CATSPERD: variants seen among roughly 807,000 people sequenced by gnomAD.
The protein encoded by CATSPERD is cation channel sperm-associated auxiliary subunit delta.
CATSPERD carries 86 observed loss-of-function variants against 98.1 expected under a neutral mutation model. The observed-to-expected ratio is 0.88, with a 90% CI of 0.74 to 1.05. The LOEUF (loss-of-function observed/expected upper bound fraction) is 1.05. CATSPERD is among the 50% of genes least tolerant of loss of function. CATSPERD has a pLI of 0.00. For synonymous variants in CATSPERD, 394 were observed against 390.2 expected, an observed-to-expected ratio of 1.01 and a Z score of -0.12; for missense variants, 995 against 1,005.7, an observed-to-expected ratio of 0.99 and a Z score of 0.14.
intron 21 of CATSPERD, among the ~76,000 whole-genome samples, chr19:5,777,380 T>TC (rs1293970000): frequency 6.6e-6 from 1 of 152,072 alleles, no homozygotes; most frequent in African/African-American, 2.4e-5. Context: ...ACCTGCACTG[T>TC]CCCCCTCCCT....
At chr19:5,732,447 T>C (rs1379854378) in intron 4 of CATSPERD, among the ~76,000 whole-genome samples, 2 of 136,354 alleles carry the variant, frequency 1.5e-5, no homozygotes, top group Non-Finnish European at 3.4e-5. Context: ...TTTTTGTTTT[T>C]TTTGAGACGG....
At position 5,776,200 on chromosome 19, in the gene CATSPERD, T is replaced by C. The variant is rs1023329247; in HGVS notation, c.1981T>C (p.Leu661=). 2 of 1,614,132 alleles carry C rather than the reference T, an allele frequency of 1.2e-6. No homozygotes were observed. The highest frequency in any genetic ancestry group is 1.7e-5 in the Admixed American group (1 of 60,018). ...CCACGACCCCAACAACAATGCCCCT[T>C]TGAGGTGGCCAGACGTCCAGTATCA... ...SCHDPNNNAP[L]RWPDVQYQIL... The change falls in exon 21 of 22, where the codon TTG becomes CTG. Residue 661 remains leucine (L), a synonymous_variant. Coordinates refer to ENST00000381624, the MANE Select transcript of CATSPERD (RefSeq NM_152784.4).
In CATSPERD at chr19:5,771,088, G is replaced by T. The variant is rs371618646; in HGVS notation, c.1763+16G>T. ...TGGTGGAGCTGTAAGACCCCAGGGG[G>T]GTGCTGCAGGGTGGGGACGGTGGCA... On this transcript the variant is annotated intron_variant, in intron 19 of 21. Transcript: ENST00000381624. 4 of 1,607,850 alleles carry T rather than the reference G, an allele frequency of 2.5e-6. No homozygotes were observed. Among genetic ancestry groups the T allele is most frequent in the Non-Finnish European group, 3.4e-6 (4 of 1,177,604 alleles).
intron 9 of CATSPERD, 52 bp from the exon 10 acceptor site, chr19:5,748,108 C>G (rs376814869): frequency 6.8e-7 from 1 of 1,475,212 alleles, no homozygotes; most frequent in Admixed American, 1.7e-5. Context: ...GTAGACATCC[C>G]CTTTCCCAGG....
At chr19:5,759,566 C>CAAAAAAAAAAAAAAAAAAACAAAAAA (rs35459854) in intron 15 of CATSPERD, among the ~76,000 whole-genome samples, 1 of 84,032 alleles carries the variant, frequency 1.2e-5, no homozygotes, top group African/African-American at 4.7e-5. Context: ...ACTCCAGCTC[C>CAAAAAAAAAAAAAAAAAAACAAAAAA]AAAAAAAAAA....
At chr19:5,737,856 A>C (rs1482834158) in intron 6 of CATSPERD, among the ~76,000 whole-genome samples, 1 of 151,838 alleles carries the variant, frequency 6.6e-6, no homozygotes, top group Non-Finnish European at 1.5e-5. Context: ...ATCTCAAAAA[A>C]AAAAAAAAGA....
chr19:5,745,447 C>T (rs929008218), intron 8 of CATSPERD, among the ~76,000 whole-genome samples: 19 of 152,050 alleles, frequency 1.2e-4, no homozygotes, highest in Middle Eastern at 3.4e-3. Flanking sequence ...GGTGAAACCC[C>T]GTCTCTGCTA....
intron 4 of CATSPERD, among the ~76,000 whole-genome samples, chr19:5,732,315 G>A (rs1033721700): frequency 6.6e-6 from 1 of 151,884 alleles, no homozygotes; most frequent in African/African-American, 2.4e-5. Context: ...AATGAATTGA[G>A]GTATCTCAGG....
At chr19:5,722,173 G>C (rs2055499299) in intron 1 of CATSPERD, among the ~76,000 whole-genome samples, 1 of 151,466 alleles carries the variant, frequency 6.6e-6, no homozygotes, top group South Asian at 2.1e-4. Flanking sequence ...CCAGGCTGGA[G>C]TACAATGTCA....
intron 5 of CATSPERD, 47 bp downstream of exon 5, chr19:5,734,017 T>C: frequency 1.8e-6 from 2 of 1,134,070 alleles, no homozygotes; most frequent in South Asian, 2.6e-5. Flanking sequence ...GTAGTCAACA[T>C]GAGAGAAGAG....
intron 15 of CATSPERD, among the ~76,000 whole-genome samples, chr19:5,762,054 A>ATTTTTTTTTT: frequency 6.7e-5 from 1 of 14,882 alleles, no homozygotes; most frequent in Non-Finnish European, 1.6e-4. Flanking sequence ...ATATATATAT[A>ATTTTTTTTTT]TATATTTTTT....
chr19:5,753,296 C>T (rs1196206219), intron 12 of CATSPERD, among the ~76,000 whole-genome samples: 1 of 152,024 alleles, frequency 6.6e-6, no homozygotes, highest in Non-Finnish European at 1.5e-5. Context: ...CGCGGTGGCT[C>T]ACGCCTGTAA....
intron 20 of CATSPERD, among the ~76,000 whole-genome samples, chr19:5,774,638 G>A (rs949870943): frequency 3.9e-5 from 6 of 152,228 alleles, no homozygotes; most frequent in Middle Eastern, 3.4e-3. Context: ...GCAGTGAGCC[G>A]AAACTGCACC....
intron 4 of CATSPERD, among the ~76,000 whole-genome samples, chr19:5,732,982 TG>T (rs892017163): frequency 2.0e-4 from 30 of 151,544 alleles, no homozygotes; most frequent in African/African-American, 7.1e-4. Context: ...CGGCCATAAA[TG>T]TTTTTTTTCT....
At position 5,762,041 on chromosome 19, in the gene CATSPERD, C is replaced by CATATATATATATATATATAT. The variant is rs71172765; in HGVS notation, c.1428-1156_1428-1155insATATATATATATATATATAT. 3.2e-3 allele frequency among the ~76,000 whole-genome samples: 75 copies of CATATATATATATATATATAT among 23,222 alleles called. 16 individuals are homozygous for CATATATATATATATATATAT. The highest frequency in any genetic ancestry group is 4.7e-3 in the Non-Finnish European group (49 of 10,416). 15.2% of individuals were successfully genotyped at this position (23,222 alleles called of 152,430 possible). A position where few individuals can be genotyped will look rare whatever the true frequency, so the allele number is the denominator to read the frequency against. On this transcript the variant is annotated intron_variant, in intron 15 of 21. Transcript: ENST00000381624. ...GTGAGAGCCACTGCGCCTGGCCTGCCATATATATATATATATATTTTTTTT... is the reference window on the plus strand; with the variant it reads ...GTGAGAGCCACTGCGCCTGGCCTGCCATATATATATATATATATATATATATATATATATATATTTTTTTT...
chr19:5,776,954 A>G (rs77395822), intron 21 of CATSPERD, among the ~76,000 whole-genome samples: 1,691 of 152,224 alleles, frequency 0.011, 28 homozygotes, highest in African/African-American at 0.039. Flanking sequence ...CACAGTGGAA[A>G]TATTTACACT....
intron 4 of CATSPERD, among the ~76,000 whole-genome samples, chr19:5,733,156 G>C (rs917207812): frequency 1.3e-5 from 2 of 151,716 alleles, no homozygotes; most frequent in African/African-American, 4.8e-5. Context: ...ACCATACTCA[G>C]CTAATTTTTG....
At position 5,727,282 on chromosome 19, in the gene CATSPERD, T is replaced by G. The variant is rs1270626669; in HGVS notation, c.141T>G (p.Phe47Leu). 6.2e-7 allele frequency: 1 copy of G among 1,613,404 alleles called. No homozygotes were observed. The highest frequency in any genetic ancestry group is 8.5e-7 in the Non-Finnish European group (1 of 1,179,328). ...IQDVQGDRLY[F>L]HPTTTRLIKH... ...TATCTCTCTAGGACCGCCTGTATTT[T>G]CATCCTACAACAACACGCTTGATTA... The change falls in exon 3 of 22, where the codon TTT (phenylalanine) becomes TTG (leucine). Residue 47 changes from phenylalanine (F) to leucine (L), a missense_variant. Physicochemically the swap from Phe to Leu is conservative, Grantham distance 22. Around this residue, in one of 3 missense-constraint regions of CATSPERD, gnomAD observed 228 missense variants for 209.6 expected, o/e 1.09. Transcript: ENST00000381624.
intron 3 of CATSPERD, among the ~76,000 whole-genome samples, chr19:5,728,356 CA>C (rs564166119): frequency 0.41 from 33,249 of 80,814 alleles, 3,222 homozygotes; most frequent in South Asian, 0.43. Flanking sequence ...GACTCTGTCT[CA>C]AAAAAAAAAA....
Sources: gnomAD v4.1 joint callset for allele counts (sites outside exome capture counted in the v4.1 genomes callset) on GRCh38, gnomAD v4.1.1 for gene constraint, gnomAD v4.1.1 regional missense constraint, MANE v1.5 for transcripts, NCBI Gene and HGNC (gene_info 2026-07-23, HGNC 2026-07-21) for gene names.